ADH1B: variants seen among roughly 807,000 people sequenced by gnomAD.
ADH1B encodes the protein alcohol dehydrogenase 1B (class I), beta polypeptide.
A neutral mutation model predicts 34.6 loss-of-function variants in ADH1B; 29 were observed. That is an observed-to-expected ratio of 0.84 (90% confidence interval 0.62 to 1.14). The LOEUF (loss-of-function observed/expected upper bound fraction) is 1.14. Ranked by LOEUF, ADH1B falls within the 50% of genes most tolerant of loss-of-function variation. The probability of loss-of-function intolerance (pLI) is 0.00; values close to 1 mark genes in which losing one functional copy is unlikely to be tolerated. For synonymous variants in ADH1B, 170 were observed against 175.5 expected (o/e 0.97, Z 0.25); for missense variants, 424 against 468.4 (o/e 0.91, Z 0.87).
At chr4:99,310,056 G>A (rs1027625631) in intron 8 of ADH1B, among the ~76,000 whole-genome samples, 2 of 152,116 alleles carry the variant, frequency 1.3e-5, no homozygotes, top group Non-Finnish European at 2.9e-5. Flanking sequence ...AGATATAACT[G>A]CCTGTTTCCA....
At position 99,306,664 on chromosome 4, in the gene ADH1B, T is replaced by G. The variant is rs1579505857; in HGVS notation, c.*1176A>C. 1 of 124,592 alleles carries G rather than the reference T, an allele frequency of 8.0e-6. No individual in the cohort carries two copies. The highest frequency in any genetic ancestry group is 1.1e-4 in the Admixed American group (1 of 9,026). The allele number at this position is 124,592 out of a possible 1,614,324, so 7.7% of individuals were successfully genotyped here. A position where few individuals can be genotyped will look rare whatever the true frequency, so the allele number is the denominator to read the frequency against. On this transcript the variant is annotated 3_prime_UTR_variant, in exon 9 of 9. Transcript: ENST00000305046. ...AAGCTCAAAATGCAAATCCTTCCCC[T>G]GAGAGTGGGAAAGCATTAACAAATG...
rs1322350091 is a variant in ADH1B at position 99,307,092 on chromosome 4, G to T, written c.*748C>A. ...AGCACTTTCATCAGCAAAAATTACA[G>T]ATTTTTTGAACATGATTCTGGGAAT... On this transcript the variant is annotated 3_prime_UTR_variant, in exon 9 of 9. Coordinates refer to ENST00000305046, the MANE Select transcript of ADH1B (RefSeq NM_000668.6). 1 of 152,128 alleles carries T rather than the reference G, an allele frequency of 6.6e-6. No homozygotes were observed. 9.4% of individuals were successfully genotyped at this position (152,128 alleles called of 1,614,324 possible).
In ADH1B at chr4:99,306,898, G is replaced by C. The variant is rs979781079; in HGVS notation, c.*942C>G. On this transcript the variant is annotated 3_prime_UTR_variant, in exon 9 of 9. Coordinates refer to ENST00000305046, the MANE Select transcript of ADH1B (RefSeq NM_000668.6). ...CTACTAGGAAAATATATTGCTTAAG[G>C]TGTTTGTGCCATTTCTTAGTTACCA... is the stretch of plus-strand genomic sequence containing the variant. 1 of 152,068 alleles carries C rather than the reference G, an allele frequency of 6.6e-6. No individual in the cohort carries two copies. 9.4% of individuals were successfully genotyped at this position (152,068 alleles called of 1,614,324 possible). A position where few individuals can be genotyped will look rare whatever the true frequency, so the allele number is the denominator to read the frequency against.
intron 1 of ADH1B, chr4:99,320,846 G>C (rs2110640799): frequency 1.6e-6 from 2 of 1,238,082 alleles, no homozygotes; most frequent in Non-Finnish European, 1.0e-6. Flanking sequence ...ATATTTTATA[G>C]TAAGGTTAAA....
At chr4:99,307,999 C>T (rs1319295573) in intron 8 of ADH1B, 135 bp from the exon 9 acceptor site, 5 of 1,152,626 alleles carry the variant, frequency 4.3e-6, no homozygotes, top group African/African-American at 3.2e-5. Context: ...CATCCCCATA[C>T]ATTTGGTTCA....
intron 6 of ADH1B, chr4:99,313,518 T>C: frequency 5.5e-6 from 2 of 360,716 alleles, no homozygotes; most frequent in East Asian, 4.7e-5. Flanking sequence ...ATATTATTTA[T>C]GTTTACTTGA....
chr4:99,306,250 C>G lies in ADH1B; in HGVS notation c.*1590G>C, dbSNP rs948479924. On this transcript the variant is annotated 3_prime_UTR_variant, in exon 9 of 9. Coordinates refer to ENST00000305046, the MANE Select transcript of ADH1B (RefSeq NM_000668.6). Reference sequence around the variant, plus strand: ...CAAACTCCTGACCTCAGGTCATCCACCCGTCTTGACCTCCCAAAGTGCTGG... The same window carrying G: ...CAAACTCCTGACCTCAGGTCATCCAGCCGTCTTGACCTCCCAAAGTGCTGG... 7 of 152,236 alleles carry G rather than the reference C, an allele frequency of 4.6e-5. No homozygotes were observed. Among genetic ancestry groups the G allele is most frequent in the Non-Finnish European group, 8.8e-5 (6 of 68,094 alleles). The allele number at this position is 152,236 out of a possible 1,614,324, so 9.4% of individuals were successfully genotyped here.
intron 7 of ADH1B, 63 bp downstream of exon 7, chr4:99,311,458 T>C: frequency 6.5e-7 from 1 of 1,548,260 alleles, no homozygotes; most frequent in Non-Finnish European, 8.8e-7. Context: ...ATTGAGATTA[T>C]ATTGAGATTA....
chr4:99,319,004 T>A (rs771980997), intron 1 of ADH1B, 118 bp from the exon 2 acceptor site: 1 of 1,082,498 alleles, frequency 9.2e-7, no homozygotes, highest in African/African-American at 1.6e-5. Flanking sequence ...TAACAAGTGC[T>A]CCATGGAAAT....
At chr4:99,309,630 G>C (rs1374841890) in intron 8 of ADH1B, among the ~76,000 whole-genome samples, 3 of 152,092 alleles carry the variant, frequency 2.0e-5, no homozygotes, top group Non-Finnish European at 4.4e-5. Flanking sequence ...GATGACTACT[G>C]TTTTCCATAT....
chr4:99,305,303 A>ACC lies in ADH1B; in HGVS notation c.*2535_*2536dup, dbSNP rs34004679. The ACC allele has an allele frequency of 6.9e-6, 1 of 145,796 alleles. No individual in the cohort carries two copies. Among genetic ancestry groups the ACC allele is most frequent in the African/African-American group, 2.6e-5 (1 of 39,166 alleles). The allele number at this position is 145,796 out of a possible 1,614,324, so 9.0% of individuals were successfully genotyped here. A position where few individuals can be genotyped will look rare whatever the true frequency, so the allele number is the denominator to read the frequency against. On this transcript the variant is annotated 3_prime_UTR_variant, in exon 9 of 9. Transcript: ENST00000305046. ...ATATGTTCGTGATATTATTGAAGTC[A>ACC]CCCCCCCCCACTTTATTTGTTTTCA...
intron 5 of ADH1B, chr4:99,314,462 C>T: frequency 4.7e-6 from 1 of 213,060 alleles, no homozygotes; most frequent in Non-Finnish European, 9.4e-6. Flanking sequence ...TGATTACAAT[C>T]TTGAAGGGAC....
Position 99,314,008 on chromosome 4 carries a change from G to A in ADH1B, c.641C>T (p.Ala214Val), listed in dbSNP as rs1339543719. The A allele has an allele frequency of 6.2e-7, 1 of 1,614,180 alleles. No homozygotes were observed. ...VGLSAVMGCK[A>V]AGAARIIAVD... ...CGCAATGATTCTGGCTGCTCCAGCT[G>A]CTTTACAGCCCATAACAGCAGATAG... is the stretch of plus-strand genomic sequence containing the variant. Residue 214 changes from alanine (A) to valine (V), a missense_variant, in exon 6 of 9, where the codon GCA becomes GTA. Ala to Val is a moderately conservative substitution (Grantham distance 64). This residue lies in a region of ADH1B where 291 missense variants were observed against 300.4 expected (regional missense o/e 0.97). Transcript: ENST00000305046.
chr4:99,307,866 T>C lies in ADH1B; in HGVS notation c.1104-2A>G, dbSNP rs759704494. 2 of 1,613,980 alleles carry C rather than the reference T, an allele frequency of 1.2e-6. No individual in the cohort carries two copies. Among genetic ancestry groups the C allele is most frequent in the Non-Finnish European group, 1.7e-6 (2 of 1,179,884 alleles). On this transcript the variant is annotated splice_acceptor_variant, in intron 8 of 8. Transcript: ENST00000305046. LOFTEE classifies it high-confidence loss of function. ...CAAAACGTCAGGACGGTACGGATAC[T>C]GCAATAGGAAAGAAGAGACATTGTG...
At chr4:99,320,254 G>T (rs565305156) in intron 1 of ADH1B, 3 of 152,136 alleles carry the variant, frequency 2.0e-5, no homozygotes, top group African/African-American at 7.2e-5. Flanking sequence ...CATCCTTTGT[G>T]TCCTCATAGT....
chr4:99,309,657 G>C (rs1256984056), intron 8 of ADH1B, among the ~76,000 whole-genome samples: 1 of 152,114 alleles, frequency 6.6e-6, no homozygotes, highest in Non-Finnish European at 1.5e-5. Flanking sequence ...GCACTCTTGA[G>C]GGGCGGTGTG....
chr4:99,316,922 C>G (rs1733900357), intron 3 of ADH1B: 1 of 151,360 alleles, frequency 6.6e-6, no homozygotes, highest in South Asian at 2.1e-4. Flanking sequence ...CTCTTCACAA[C>G]AAGTTAGGCA....
In ADH1B at chr4:99,305,501, CATATATATATATATATATAT is replaced by C. The variant is rs71996730; in HGVS notation, c.*2319_*2338del. 1 of 94,378 alleles carries C rather than the reference CATATATATATATATATATAT, an allele frequency of 1.1e-5. No individual in the cohort carries two copies. Among genetic ancestry groups the C allele is most frequent in the African/African-American group, 4.8e-5 (1 of 20,920 alleles). 5.8% of individuals were successfully genotyped at this position (94,378 alleles called of 1,614,324 possible). A position where few individuals can be genotyped will look rare whatever the true frequency, so the allele number is the denominator to read the frequency against. On this transcript the variant is annotated 3_prime_UTR_variant, in exon 9 of 9. Coordinates refer to ENST00000305046, the MANE Select transcript of ADH1B (RefSeq NM_000668.6). ...AGCCAATACTTTCTACACTGGAATA[CATATATATATATATATATAT>C]ATACAATCACTTAACTATATGAACC...
At chr4:99,318,521 G>A (rs751227265) in intron 2 of ADH1B, 23 of 512,504 alleles carry the variant, frequency 4.5e-5, no homozygotes, top group Non-Finnish European at 6.7e-5. Flanking sequence ...TGATTTTGAA[G>A]TCTTGATATA....
Sources: gnomAD v4.1 joint callset for allele counts (sites outside exome capture counted in the v4.1 genomes callset) on GRCh38, gnomAD v4.1.1 for gene constraint, gnomAD v4.1.1 regional missense constraint, MANE v1.5 for transcripts, NCBI Gene and HGNC (gene_info 2026-07-23, HGNC 2026-07-21) for gene names.